TRABD2B: variants seen among roughly 807,000 people sequenced by gnomAD.
The protein encoded by TRABD2B is TraB domain containing 2B.
Under a neutral mutation model 40.1 loss-of-function variants are expected in TRABD2B, and 14 were observed. That is an observed-to-expected ratio of 0.35 (90% CI 0.23 to 0.55). The LOEUF (loss-of-function observed/expected upper bound fraction) is 0.55. Ranked by LOEUF, TRABD2B falls within the 20% of genes least tolerant of loss-of-function variation. The pLI is 0.90. For synonymous variants in TRABD2B, 263 were observed against 277.0 expected, an observed-to-expected ratio of 0.95 and a Z score of 0.50; for missense variants, 541 against 648.6, an observed-to-expected ratio of 0.83 and a Z score of 1.80.
chr1:47,829,085 G>T (rs1261892798), intron 2 of TRABD2B, among the ~76,000 whole-genome samples: 2 of 152,160 alleles, frequency 1.3e-5, no homozygotes, highest in Non-Finnish European at 2.9e-5. Context: ...GAGGATGACT[G>T]GCCCCAGGGA....
intron 2 of TRABD2B, 82 bp from the exon 3 acceptor site, chr1:47,801,701 A>G: frequency 6.9e-7 from 1 of 1,456,340 alleles, no homozygotes. Flanking sequence ...CTCCCTCTGG[A>G]CTTCAGAGCA....
chr1:47,781,749 C>T (rs1270375757), intron 4 of TRABD2B, among the ~76,000 whole-genome samples: 4 of 152,236 alleles, frequency 2.6e-5, no homozygotes, highest in South Asian at 2.1e-4. Flanking sequence ...CTCCAGGAGG[C>T]GCCATTCCCA....
intron 2 of TRABD2B, among the ~76,000 whole-genome samples, chr1:47,864,405 A>C (rs778371455): frequency 2.6e-5 from 4 of 152,116 alleles, no homozygotes; most frequent in African/African-American, 7.2e-5. Context: ...CATGTTGGGC[A>C]GCGGTTGTAT....
intron 2 of TRABD2B, among the ~76,000 whole-genome samples, chr1:47,821,543 C>T (rs1645111196): frequency 6.6e-6 from 1 of 152,174 alleles, no homozygotes; most frequent in African/African-American, 2.4e-5. Flanking sequence ...ATGCCCCTGA[C>T]AGGCAGATGC....
intron 2 of TRABD2B, among the ~76,000 whole-genome samples, chr1:47,842,520 T>C (rs185095962): frequency 6.6e-6 from 1 of 152,072 alleles, no homozygotes; most frequent in African/African-American, 2.4e-5. Flanking sequence ...GGTGGAAAGC[T>C]TCCAGGTGAC....
chr1:47,778,402 G>A, intron 5 of TRABD2B, 52 bp downstream of exon 5: 1 of 1,339,764 alleles, frequency 7.5e-7, no homozygotes, highest in East Asian at 2.5e-5. Flanking sequence ...CTGAAAGCCT[G>A]GGCAGGAAGG....
chr1:47,846,895 CAAAT>C (rs1417936306), intron 2 of TRABD2B, among the ~76,000 whole-genome samples: 2 of 143,510 alleles, frequency 1.4e-5, no homozygotes, highest in African/African-American at 5.1e-5. Flanking sequence ...CACACACACA[CAAAT>C]GAGGGCTGGG....
At chr1:47,945,777 A>G (rs1204201048) in intron 2 of TRABD2B, among the ~76,000 whole-genome samples, 1 of 152,054 alleles carries the variant, frequency 6.6e-6, no homozygotes, top group Non-Finnish European at 1.5e-5. Context: ...CATTATTTGG[A>G]TACACCACAG....
At chr1:47,877,913 A>G (rs1047344289) in intron 2 of TRABD2B, among the ~76,000 whole-genome samples, 1 of 151,544 alleles carries the variant, frequency 6.6e-6, no homozygotes, top group Non-Finnish European at 1.5e-5. Context: ...GATCACTTGA[A>G]CCCAGGAGGC....
chr1:47,785,344 AG>A (rs933297906), intron 4 of TRABD2B, among the ~76,000 whole-genome samples: 25 of 152,206 alleles, frequency 1.6e-4, no homozygotes, highest in Admixed American at 1.4e-3. Context: ...AGCACTTGTC[AG>A]GCCTGTGAGG....
chr1:47,901,696 G>A (rs762907988), intron 2 of TRABD2B, among the ~76,000 whole-genome samples: 15 of 152,200 alleles, frequency 9.9e-5, no homozygotes, highest in Admixed American at 2.6e-4. Flanking sequence ...AGCCATGGGG[G>A]CAGACTTCTG....
chr1:47,965,201 C>CT (rs1645580981), intron 2 of TRABD2B, among the ~76,000 whole-genome samples: 2 of 9,498 alleles, frequency 2.1e-4, no homozygotes, highest in African/African-American at 8.5e-4. Context: ...TGGCGGGGGG[C>CT]GGGGGGGGGT....
chr1:47,838,167 C>T (rs1645344764), intron 2 of TRABD2B, among the ~76,000 whole-genome samples: 1 of 152,242 alleles, frequency 6.6e-6, no homozygotes, highest in Non-Finnish European at 1.5e-5. Flanking sequence ...CACCCTACCC[C>T]ACTTCCAAGA....
At chr1:47,771,401 G>C (rs1172423952) in intron 6 of TRABD2B, among the ~76,000 whole-genome samples, 1 of 152,156 alleles carries the variant, frequency 6.6e-6, no homozygotes, top group African/African-American at 2.4e-5. Flanking sequence ...TTTGGGCCAT[G>C]CCTGACACTG....
At chr1:47,776,466 T>C (rs1644448673) in intron 5 of TRABD2B, among the ~76,000 whole-genome samples, 1 of 152,214 alleles carries the variant, frequency 6.6e-6, no homozygotes, top group African/African-American at 2.4e-5. Context: ...CTCTTGGATG[T>C]TGGCCGACAA....
At chr1:47,938,553 CT>C (rs1468738272) in intron 2 of TRABD2B, among the ~76,000 whole-genome samples, 2 of 152,178 alleles carry the variant, frequency 1.3e-5, no homozygotes, top group Non-Finnish European at 2.9e-5. Flanking sequence ...TTCTCCTCTG[CT>C]TTGAGAATAG....
chr1:47,809,062 C>T (rs900116217), intron 2 of TRABD2B, among the ~76,000 whole-genome samples: 3 of 152,066 alleles, frequency 2.0e-5, no homozygotes, highest in African/African-American at 7.2e-5. Flanking sequence ...CCCAGGATCC[C>T]CTCCTCTGCA....
At chr1:47,852,470 T>G (rs546286961) in intron 2 of TRABD2B, among the ~76,000 whole-genome samples, 18 of 152,202 alleles carry the variant, frequency 1.2e-4, no homozygotes, top group Non-Finnish European at 2.5e-4. Flanking sequence ...TTCAGAGAGC[T>G]GGAAGCAGGC....
rs1360242634 is a variant in TRABD2B at position 47,997,186 on chromosome 1, G to C, written c.-397C>G. The C allele has an allele frequency of 4.1e-6, 4 of 983,402 alleles. No individual in the cohort carries two copies. The highest frequency in any genetic ancestry group is 4.8e-6 in the Non-Finnish European group (4 of 829,208). The allele number at this position is 983,402 out of a possible 1,614,324, so 60.9% of individuals were successfully genotyped here. A position where few individuals can be genotyped will look rare whatever the true frequency, so the allele number is the denominator to read the frequency against. The stretch of plus-strand genomic sequence containing the variant: ...TCCCGGGGTTATGCTGGGCACCCGG[G>C]GCACGCAAGGGTCCCAGGGGTGCGC... On this transcript the variant is annotated 5_prime_UTR_variant, in exon 1 of 7. Coordinates refer to ENST00000606738, the MANE Select transcript of TRABD2B (RefSeq NM_001194986.2).
Sources: allele counts gnomAD v4.1 joint callset (sites outside exome capture counted in the v4.1 genomes callset), GRCh38; gene constraint gnomAD v4.1.1; transcripts MANE v1.5; gene names NCBI Gene and HGNC (gene_info 2026-07-23, HGNC 2026-07-21).